Variants in PLPP1 observed in about 807,000 individuals in gnomAD.
PLPP1 encodes lipid phosphate phosphohydrolase 1a.
In PLPP1, 24 loss-of-function variants were observed where a neutral mutation model predicts 31.2. The observed-to-expected ratio is 0.77, with a 90% CI of 0.56 to 1.08. The LOEUF (loss-of-function observed/expected upper bound fraction) is 1.08. Among genes scored for constraint, PLPP1 ranks in the 50% least tolerant of loss-of-function variants. PLPP1 has a pLI of 0.00. For missense variants in PLPP1, 319 were observed against 342.7 expected (o/e 0.93, Z 0.55); for synonymous variants, 146 against 126.3 (o/e 1.16, Z -1.05).
intron 4 of PLPP1, among the ~76,000 whole-genome samples, chr5:55,440,406 G>GA (rs1413808006): frequency 1.3e-5 from 2 of 152,022 alleles, no homozygotes; most frequent in African/African-American, 2.4e-5. Flanking sequence ...TAATTAAAAA[G>GA]AAAAAAATAT....
rs114648727 is a variant in PLPP1 at position 55,458,600 on chromosome 5, T to C, written c.491+9269A>G. 3.5e-3 allele frequency among the ~76,000 whole-genome samples: 536 copies of C among 152,022 alleles called. 2 individuals carry two copies. The highest frequency in any genetic ancestry group is 0.012 in the African/African-American group (491 of 41,490). On this transcript the variant is annotated intron_variant, in intron 3 of 5. Coordinates refer to ENST00000307259, the MANE Select transcript of PLPP1 (RefSeq NM_003711.4). ...AAAGAGACGAAACATAGAAAATACA[T>C]AGCAAGGCTGGGCGTGGTGGCTCAC...
chr5:55,505,447 C>A (rs1240268552), intron 1 of PLPP1, among the ~76,000 whole-genome samples: 26 of 144,322 alleles, frequency 1.8e-4, no homozygotes, highest in East Asian at 6.2e-4. Context: ...TATACACACG[C>A]AAAAAAAAAA....
intron 1 of PLPP1, among the ~76,000 whole-genome samples, chr5:55,479,168 G>A (rs1489954626): frequency 6.6e-6 from 1 of 152,040 alleles, no homozygotes; most frequent in Non-Finnish European, 1.5e-5. Context: ...GAGATTACAG[G>A]TGTGCACTAC....
chr5:55,489,209 A>G (rs770320709), intron 1 of PLPP1, among the ~76,000 whole-genome samples: 9 of 152,112 alleles, frequency 5.9e-5, no homozygotes, highest in South Asian at 2.1e-4. Context: ...AAAAATATAT[A>G]TGTGTTATTA....
At chr5:55,459,735 T>C (rs543866229) in intron 3 of PLPP1, among the ~76,000 whole-genome samples, 1 of 152,194 alleles carries the variant, frequency 6.6e-6, no homozygotes, top group Non-Finnish European at 1.5e-5. Flanking sequence ...CAACTCAGGT[T>C]TGAACTGTGT....
At chr5:55,501,014 T>C (rs1284885801) in intron 1 of PLPP1, among the ~76,000 whole-genome samples, 1 of 152,178 alleles carries the variant, frequency 6.6e-6, no homozygotes, top group Non-Finnish European at 1.5e-5. Flanking sequence ...ATTTTCTTAC[T>C]CTGTTAAAAC....
intron 3 of PLPP1, among the ~76,000 whole-genome samples, chr5:55,449,362 T>C (rs940092556): frequency 5.9e-5 from 9 of 152,214 alleles, no homozygotes; most frequent in African/African-American, 2.2e-4. Flanking sequence ...AATATATATG[T>C]GACAATATTT....
At chr5:55,460,589 C>T (rs1752133304) in intron 3 of PLPP1, among the ~76,000 whole-genome samples, 1 of 152,154 alleles carries the variant, frequency 6.6e-6, no homozygotes, top group South Asian at 2.1e-4. Context: ...ATGGACAAAT[C>T]CCTTAAAAGA....
Position 55,464,600 on chromosome 5 carries a change from T to A in PLPP1, c.491+3269A>T, listed in dbSNP as rs541383441. On this transcript the variant is annotated intron_variant, in intron 3 of 5. Transcript: ENST00000307259. ...ACTCAAATGTCCATCAATATTTGCA[T>A]GAATGGATAAGTAAACTGTGTTATA... Among the ~76,000 whole-genome samples the A allele has an allele frequency of 7.9e-5, 12 of 152,310 alleles. No homozygotes were observed. The East Asian group carries it at 2.1e-3, about 27-fold the overall frequency.
intron 1 of PLPP1, among the ~76,000 whole-genome samples, chr5:55,491,819 C>T: frequency 7.4e-6 from 1 of 135,028 alleles, no homozygotes; most frequent in East Asian, 2.2e-4. Flanking sequence ...GATTGTGCCA[C>T]TGCACTCCAG....
chr5:55,460,744 C>T (rs7715512), intron 3 of PLPP1, among the ~76,000 whole-genome samples: 130,630 of 152,178 alleles, frequency 0.86, 56,479 homozygotes, highest in South Asian at 0.92. Context: ...TAAGTAGGAG[C>T]CTCAGGCAGA....
chr5:55,469,472 A>G (rs1561235232), intron 2 of PLPP1, among the ~76,000 whole-genome samples: 1 of 151,126 alleles, frequency 6.6e-6, no homozygotes, highest in East Asian at 1.9e-4. Flanking sequence ...CCTGGGTGCG[A>G]CACAGCGAGA....
chr5:55,533,596 G>C lies in PLPP1; in HGVS notation c.58+976C>G, dbSNP rs1361567402. Reference sequence around the variant, plus strand: ...GCAGACTTCCATCCAGGTGGCTAAAGCCACAGATCTCCCACCCTGAGAACT... The same window carrying C: ...GCAGACTTCCATCCAGGTGGCTAAACCCACAGATCTCCCACCCTGAGAACT... On this transcript the variant is annotated intron_variant, in intron 1 of 5. Transcript: ENST00000307259. Among the ~76,000 whole-genome samples the C allele has an allele frequency of 2.0e-5, 3 of 152,134 alleles. No homozygotes were observed. In the East Asian group the frequency reaches 5.8e-4, roughly 29 times the overall value.
At chr5:55,450,391 CAT>C (rs1344519184) in intron 3 of PLPP1, among the ~76,000 whole-genome samples, 5 of 152,132 alleles carry the variant, frequency 3.3e-5, no homozygotes, top group African/African-American at 1.2e-4. Context: ...AACTTGTTAT[CAT>C]GTGTGTCTTC....
At chr5:55,463,460 A>T (rs1290774668) in intron 3 of PLPP1, among the ~76,000 whole-genome samples, 1 of 152,038 alleles carries the variant, frequency 6.6e-6, no homozygotes, top group African/African-American at 2.4e-5. Context: ...TCAGGAATTC[A>T]AGACCAGCCT....
At chr5:55,474,386 A>G (rs1210762312) in intron 2 of PLPP1, among the ~76,000 whole-genome samples, 1 of 152,324 alleles carries the variant, frequency 6.6e-6, no homozygotes, top group East Asian at 1.9e-4. Context: ...GAACCATAAT[A>G]TTACAAGCTA....
intron 1 of PLPP1, 96 bp downstream of exon 1, chr5:55,534,476 G>T: frequency 2.3e-6 from 3 of 1,282,440 alleles, no homozygotes; most frequent in Non-Finnish European, 2.1e-6. Flanking sequence ...CTGCGCACGC[G>T]TCAGGCAACA....
intron 2 of PLPP1, among the ~76,000 whole-genome samples, chr5:55,473,051 C>T (rs1175580762): frequency 6.6e-6 from 1 of 152,140 alleles, no homozygotes; most frequent in East Asian, 1.9e-4. Context: ...ATATTTGAAT[C>T]CTGTCTGAAA....
chr5:55,490,190 G>A (rs1407110017), intron 1 of PLPP1, among the ~76,000 whole-genome samples: 1 of 80,662 alleles, frequency 1.2e-5, no homozygotes, highest in Non-Finnish European at 2.2e-5. Flanking sequence ...TGCTCTTGTT[G>A]CCCAGGCTGG....
Sources: allele counts gnomAD v4.1 joint callset (sites outside exome capture counted in the v4.1 genomes callset), GRCh38; gene constraint gnomAD v4.1.1; transcripts MANE v1.5; gene names NCBI Gene and HGNC (gene_info 2026-07-23, HGNC 2026-07-21).